Variants in ST3GAL2 observed in about 807,000 individuals in gnomAD.
ST3GAL2 encodes ST3 beta-galactoside alpha-2,3-sialyltransferase 2, also known as CMP-N-acetylneuraminate-beta-galactosamide-alpha-2,3-sialyltransferase 2.
ST3GAL2 carries 16 observed loss-of-function variants against 37.5 expected under a neutral mutation model. That is an observed-to-expected ratio of 0.43 (90% CI 0.29 to 0.65). ST3GAL2 has a LOEUF of 0.65. ST3GAL2 is among the 30% of genes least tolerant of loss of function. The probability of loss-of-function intolerance (pLI) is 0.17; values close to 1 mark genes in which losing one functional copy is unlikely to be tolerated. For missense variants in ST3GAL2, 383 were observed against 487.8 expected, an observed-to-expected ratio of 0.79 and a Z score of 2.02; for synonymous variants, 238 against 202.9, an observed-to-expected ratio of 1.17 and a Z score of -1.47.
chr16:70,410,830 T>G (rs1325305427), intron 1 of ST3GAL2, among the ~76,000 whole-genome samples: 1 of 140,532 alleles, frequency 7.1e-6, no homozygotes, highest in Non-Finnish European at 1.6e-5. Context: ...TTTTTTTGTC[T>G]CTGTGTTTTG....
At chr16:70,409,769 C>T (rs993401512) in intron 1 of ST3GAL2, among the ~76,000 whole-genome samples, 1 of 151,332 alleles carries the variant, frequency 6.6e-6, no homozygotes, top group Non-Finnish European at 1.5e-5. Context: ...CCCCGAGTAG[C>T]TAGGACCATA....
Position 70,380,304 on chromosome 16 carries a change from A to T in ST3GAL2, c.*1385T>A, listed in dbSNP as rs1451010231. The T allele has an allele frequency of 1.3e-5, 2 of 152,316 alleles. No homozygotes were observed. The highest frequency in any genetic ancestry group is 4.8e-5 in the African/African-American group (2 of 41,456). The allele number at this position is 152,316 out of a possible 1,614,324, so 9.4% of individuals were successfully genotyped here. On this transcript the variant is annotated 3_prime_UTR_variant, in exon 7 of 7. Transcript: ENST00000342907. Reference sequence around the variant, plus strand: ...CCCTGTTCCCTCAGCCAGCTGCAGGAACCTACCAACGGCCAGGAAGCTGCC... The same window carrying T: ...CCCTGTTCCCTCAGCCAGCTGCAGGTACCTACCAACGGCCAGGAAGCTGCC...
Position 70,398,924 on chromosome 16 carries a change from C to A in ST3GAL2, c.-394G>T. The A allele has an allele frequency of 1.1e-5, 5 of 456,844 alleles. No individual in the cohort carries two copies. Among genetic ancestry groups the A allele is most frequent in the Non-Finnish European group, 1.9e-5 (5 of 260,742 alleles). The allele number at this position is 456,844 out of a possible 1,614,324, so 28.3% of individuals were successfully genotyped here. ...CTTTGGCGGCTTGAAATAATCCAGT[C>A]TGGAGCAGTCGGGGTCCTTGTGGTT... On this transcript the variant is annotated 5_prime_UTR_variant, in exon 2 of 7. Coordinates refer to ENST00000342907, the MANE Select transcript of ST3GAL2 (RefSeq NM_006927.4).
At chr16:70,386,254 C>A (rs990289676) in intron 4 of ST3GAL2, among the ~76,000 whole-genome samples, 2 of 151,736 alleles carry the variant, frequency 1.3e-5, no homozygotes, top group Admixed American at 6.6e-5. Context: ...GTGGCGCGAT[C>A]TCGGCTCACT....
chr16:70,432,147 A>G lies in ST3GAL2; in HGVS notation c.-1004+6802T>C, dbSNP rs77130863. On this transcript the variant is annotated intron_variant, in intron 1 of 6. Coordinates refer to ENST00000342907, the MANE Select transcript of ST3GAL2 (RefSeq NM_006927.4). The stretch of plus-strand genomic sequence containing the variant: ...AGCCTGGGTGACACAGCGAGGCCCC[A>G]TTTAGCATGATTGGTAAAATTTTTA... Among the ~76,000 whole-genome samples, 54 of 152,132 alleles carry G rather than the reference A, an allele frequency of 3.5e-4. No individual in the cohort carries two copies. In the East Asian group the frequency reaches 9.5e-3, roughly 27 times the overall value.
At chr16:70,412,339 G>A (rs1266980795) in intron 1 of ST3GAL2, among the ~76,000 whole-genome samples, 1 of 152,116 alleles carries the variant, frequency 6.6e-6, no homozygotes, top group Non-Finnish European at 1.5e-5. Flanking sequence ...CTTACCTCCA[G>A]TAGTTTTTAA....
intron 1 of ST3GAL2, among the ~76,000 whole-genome samples, chr16:70,417,166 T>A (rs1040445440): frequency 2.6e-5 from 4 of 152,146 alleles, no homozygotes; most frequent in African/African-American, 7.2e-5. Flanking sequence ...CACATAAAGC[T>A]CTACCTCCAT....
chr16:70,414,058 T>A (rs1430155599), intron 1 of ST3GAL2, among the ~76,000 whole-genome samples: 1 of 152,188 alleles, frequency 6.6e-6, no homozygotes, highest in East Asian at 1.9e-4. Context: ...CATGAATATA[T>A]TTTTAGAATT....
Position 70,378,056 on chromosome 16 carries a change from T to C in ST3GAL2, c.*3633A>G, listed in dbSNP as rs1459798739. The C allele has an allele frequency of 2.6e-5, 4 of 152,140 alleles. No individual in the cohort carries two copies. The highest frequency in any genetic ancestry group is 9.7e-5 in the African/African-American group (4 of 41,434). 9.4% of individuals were successfully genotyped at this position (152,140 alleles called of 1,614,324 possible). On this transcript the variant is annotated 3_prime_UTR_variant, in exon 7 of 7. Transcript: ENST00000342907. ...TAGACGGGAAATTTAACAAAATATTTGGAACACACCCAAAAAACTGGATGA... is the reference window on the plus strand; with the variant it reads ...TAGACGGGAAATTTAACAAAATATTCGGAACACACCCAAAAAACTGGATGA...
chr16:70,431,834 G>A (rs910095020), intron 1 of ST3GAL2, among the ~76,000 whole-genome samples: 7 of 151,808 alleles, frequency 4.6e-5, no homozygotes, highest in African/African-American at 1.2e-4. Flanking sequence ...CGTGGTGGCG[G>A]GTGCCTGTAG....
intron 3 of ST3GAL2, 139 bp from the exon 4 acceptor site, chr16:70,388,685 G>A (rs1048996461): frequency 2.1e-6 from 2 of 935,462 alleles, no homozygotes; most frequent in Non-Finnish European, 3.1e-6. Flanking sequence ...CTAGAAATCT[G>A]CCCTATAAAA....
chr16:70,385,043 T>C (rs894261205), intron 4 of ST3GAL2, among the ~76,000 whole-genome samples: 3 of 151,816 alleles, frequency 2.0e-5, no homozygotes, highest in Admixed American at 6.6e-5. Flanking sequence ...CGGTGGCTCC[T>C]GCCTGTAATC....
At chr16:70,381,944 G>A in intron 6 of ST3GAL2, 82 bp from the exon 7 acceptor site, 1 of 1,557,350 alleles carries the variant, frequency 6.4e-7, no homozygotes, top group Non-Finnish European at 8.7e-7. Context: ...ACAGGGAGGA[G>A]AGGGGACGGG....
At position 70,410,962 on chromosome 16, in the gene ST3GAL2, C is replaced by A. The variant is rs191807771; in HGVS notation, c.-1003-11429G>T. Reference sequence around the variant, plus strand: ...TCCTGGCAGATGATGCAAGACTGGCCAAAGCCAACCAGCGCCAACCACAGC... The same window carrying A: ...TCCTGGCAGATGATGCAAGACTGGCAAAAGCCAACCAGCGCCAACCACAGC... On this transcript the variant is annotated intron_variant, in intron 1 of 6. Transcript: ENST00000342907. Among the ~76,000 whole-genome samples the A allele has an allele frequency of 2.9e-3, 447 of 152,220 alleles. 1 individual carries two copies. Among genetic ancestry groups the A allele is most frequent in the African/African-American group, 0.01 (423 of 41,534 alleles).
intron 4 of ST3GAL2, among the ~76,000 whole-genome samples, chr16:70,386,499 C>G (rs1487805343): frequency 6.6e-6 from 1 of 151,746 alleles, no homozygotes; most frequent in African/African-American, 2.4e-5. Flanking sequence ...CCGGCCACAC[C>G]CAGCTAATTT....
rs34454921 is a variant in ST3GAL2 at position 70,377,178 on chromosome 16, T to TAAAAAAAAAAAAAAAAAAAAAAAAA, written c.*4486_*4510dup. On this transcript the variant is annotated 3_prime_UTR_variant, in exon 7 of 7. Transcript: ENST00000342907. ...CTGGGCGACAGGAGACCCTGTCTCT[T>TAAAAAAAAAAAAAAAAAAAAAAAAA]AAAAAAAAAAAAAAAAAAAAAAAAA... 1.2e-5 allele frequency: 1 copy of TAAAAAAAAAAAAAAAAAAAAAAAAA among 85,480 alleles called. No homozygotes were observed. Among genetic ancestry groups the TAAAAAAAAAAAAAAAAAAAAAAAAA allele is most frequent in the African/African-American group, 6.1e-5 (1 of 16,272 alleles). 5.3% of individuals were successfully genotyped at this position (85,480 alleles called of 1,614,324 possible).
chr16:70,384,106 G>A (rs918060966), intron 4 of ST3GAL2, among the ~76,000 whole-genome samples: 1 of 152,074 alleles, frequency 6.6e-6, no homozygotes, highest in African/African-American at 2.4e-5. Context: ...TTAGCCCTCA[G>A]GTCTCCCAAA....
intron 1 of ST3GAL2, among the ~76,000 whole-genome samples, chr16:70,406,997 G>C (rs1172264646): frequency 6.6e-6 from 1 of 152,194 alleles, no homozygotes; most frequent in African/African-American, 2.4e-5. Context: ...GGGACAGGTG[G>C]CAAAGCCGAG....
At chr16:70,434,577 C>G (rs987820378) in intron 1 of ST3GAL2, among the ~76,000 whole-genome samples, 9 of 152,170 alleles carry the variant, frequency 5.9e-5, no homozygotes, top group African/African-American at 2.2e-4. Flanking sequence ...CCAGATCCTC[C>G]TGCTGTCTGT....
Sources: gnomAD v4.1 joint callset for allele counts (sites outside exome capture counted in the v4.1 genomes callset) on GRCh38, gnomAD v4.1.1 for gene constraint, MANE v1.5 for transcripts, NCBI Gene and HGNC (gene_info 2026-07-23, HGNC 2026-07-21) for gene names.